The following TRPS1 variants were observed in gnomAD, a reference collection of about 807,000 sequenced individuals.
TRPS1 encodes zinc finger transcription factor Trps1.
In TRPS1, 6 loss-of-function variants were observed where a neutral mutation model predicts 101.2. That is an observed-to-expected ratio of 0.06 (90% confidence interval 0.03 to 0.12). The LOEUF (loss-of-function observed/expected upper bound fraction) is 0.12, where lower values mean the gene tolerates loss of function less well. TRPS1 is among the 10% of genes least tolerant of loss of function. The pLI is 1.00. For missense variants in TRPS1, 1,363 were observed against 1,567.0 expected (o/e 0.87, Z 2.20); for synonymous variants, 578 against 589.8 (o/e 0.98, Z 0.29).
chr8:115,516,646 T>C (rs1173288999), intron 5 of TRPS1, among the ~76,000 whole-genome samples: 2 of 151,608 alleles, frequency 1.3e-5, no homozygotes, highest in South Asian at 2.1e-4. Flanking sequence ...GGATGACACA[T>C]TGGCTTGTCA....
At chr8:115,493,595 C>T (rs552066483) in intron 5 of TRPS1, among the ~76,000 whole-genome samples, 2 of 152,032 alleles carry the variant, frequency 1.3e-5, no homozygotes, top group South Asian at 2.1e-4. Context: ...GTGATCCACC[C>T]GCCTCAGCCT....
chr8:115,607,034 T>C (rs1818053940), intron 3 of TRPS1, among the ~76,000 whole-genome samples: 1 of 152,098 alleles, frequency 6.6e-6, no homozygotes, highest in African/African-American at 2.4e-5. Flanking sequence ...TAAAATGCTT[T>C]GAACTTCTGC....
intron 1 of TRPS1, chr8:115,667,996 T>G (rs979126928): frequency 8.4e-7 from 1 of 1,191,962 alleles, no homozygotes; most frequent in Non-Finnish European, 1.2e-6. Context: ...CTGCGCCCGG[T>G]AGGAGAGAAT....
At position 115,418,227 on chromosome 8, in the gene TRPS1, C is replaced by T. The variant is rs903236503; in HGVS notation, c.2823+103G>A. Reference sequence around the variant, plus strand: ...AAGTGACTGTATTAAAACAACCCTGCGGGGGCAGGCACTGCAAGCCAGGGA... The same window carrying T: ...AAGTGACTGTATTAAAACAACCCTGTGGGGGCAGGCACTGCAAGCCAGGGA... On this transcript the variant is annotated intron_variant, in intron 6 of 6. Transcript: ENST00000395715. The surrounding 1 kb of genome is among the most constrained non-coding windows in gnomAD (Gnocchi z 4.3). 1.3e-5 allele frequency: 20 copies of T among 1,594,378 alleles called. No individual in the cohort carries two copies. The East Asian group carries it at 2.9e-4, about 23-fold the overall frequency.
chr8:115,433,210 C>G (rs1813365352), intron 5 of TRPS1, among the ~76,000 whole-genome samples: 1 of 151,700 alleles, frequency 6.6e-6, no homozygotes, highest in South Asian at 2.1e-4. Context: ...AGAGTGGATG[C>G]CATTATATAC....
At chr8:115,437,737 G>A (rs999450629) in intron 5 of TRPS1, among the ~76,000 whole-genome samples, 2 of 152,126 alleles carry the variant, frequency 1.3e-5, no homozygotes, top group Non-Finnish European at 2.9e-5. Context: ...CCAGTACTAT[G>A]TCTAGCCCTA....
At chr8:115,444,555 T>C (rs1813684766) in intron 5 of TRPS1, among the ~76,000 whole-genome samples, 1 of 152,188 alleles carries the variant, frequency 6.6e-6, no homozygotes, top group African/African-American at 2.4e-5. Flanking sequence ...AAAGTATACC[T>C]TTTTCTACAA....
chr8:115,612,656 T>C (rs1307254628), intron 3 of TRPS1, among the ~76,000 whole-genome samples: 3 of 152,228 alleles, frequency 2.0e-5, no homozygotes, highest in Middle Eastern at 3.2e-3. Context: ...TTCCCAGATA[T>C]GTTCCTGGAC....
intron 5 of TRPS1, among the ~76,000 whole-genome samples, chr8:115,449,048 T>A (rs1022447): frequency 0.29 from 44,690 of 152,096 alleles, 6,663 homozygotes; most frequent in Middle Eastern, 0.46. Flanking sequence ...ATAATATTTG[T>A]TGATTTAAAA....
chr8:115,429,415 G>A (rs979606194), intron 5 of TRPS1, among the ~76,000 whole-genome samples: 1 of 152,090 alleles, frequency 6.6e-6, no homozygotes, highest in Non-Finnish European at 1.5e-5. Flanking sequence ...TTAGCTCAAG[G>A]TAATACATTG....
chr8:115,505,474 GT>G (rs1203012296), intron 5 of TRPS1, among the ~76,000 whole-genome samples: 2 of 152,058 alleles, frequency 1.3e-5, no homozygotes, highest in Admixed American at 1.3e-4. Flanking sequence ...CACTTCACCA[GT>G]TTTTTAAGAT....
At chr8:115,567,942 A>G (rs751948771) in intron 5 of TRPS1, among the ~76,000 whole-genome samples, 16 of 152,248 alleles carry the variant, frequency 1.1e-4, no homozygotes, top group Admixed American at 3.9e-4. Flanking sequence ...TATGGTTTCA[A>G]CACCTCTCAT....
chr8:115,535,496 AGCATATATATAGC>A lies in TRPS1; in HGVS notation c.2700+51492_2700+51504del, dbSNP rs1358256536. Reference sequence around the variant, plus strand: ...TATCACACATATATAGCATATATATAGCATATATATAGCGCATATATATAGCGCATATATAGCG... The same window carrying A: ...TATCACACATATATAGCATATATATAGCATATATATAGCGCATATATAGCG... On this transcript the variant is annotated intron_variant, in intron 5 of 6. Transcript: ENST00000395715. Among the ~76,000 whole-genome samples, 377 of 147,062 alleles carry A rather than the reference AGCATATATATAGC, an allele frequency of 2.6e-3. 1 individual carries two copies. The highest frequency in any genetic ancestry group is 0.01 in the South Asian group (49 of 4,766).
chr8:115,638,190 A>G (rs1818812829), intron 1 of TRPS1, among the ~76,000 whole-genome samples: 1 of 152,166 alleles, frequency 6.6e-6, no homozygotes, highest in Non-Finnish European at 1.5e-5. Context: ...CCTCAGATTT[A>G]GGTGCTAAAG....
intron 5 of TRPS1, among the ~76,000 whole-genome samples, chr8:115,471,009 G>A (rs911855522): frequency 5.3e-5 from 8 of 152,242 alleles, no homozygotes; most frequent in South Asian, 4.1e-4. Flanking sequence ...CAAATATCAC[G>A]TAAAGATGGA....
chr8:115,622,078 C>T (rs564001587), intron 2 of TRPS1, among the ~76,000 whole-genome samples: 34 of 152,108 alleles, frequency 2.2e-4, no homozygotes, highest in African/African-American at 6.0e-4. Context: ...AAAGTGTTGG[C>T]GTTGAGGCAA....
chr8:115,493,568 C>T (rs1166173209), intron 5 of TRPS1, among the ~76,000 whole-genome samples: 1 of 151,732 alleles, frequency 6.6e-6, no homozygotes, highest in Non-Finnish European at 1.5e-5. Flanking sequence ...AGGCTGGTCC[C>T]GAACTCCTGA....
intron 4 of TRPS1, among the ~76,000 whole-genome samples, chr8:115,598,359 G>A (rs986546340): frequency 6.6e-6 from 1 of 152,102 alleles, no homozygotes; most frequent in African/African-American, 2.4e-5. Flanking sequence ...TTGTCGCCCA[G>A]GCCAGTGGCA....
intron 5 of TRPS1, among the ~76,000 whole-genome samples, chr8:115,548,499 C>T (rs761928680): frequency 3.0e-4 from 46 of 151,860 alleles, no homozygotes; most frequent in South Asian, 1.2e-3. Context: ...CCCGCCACCA[C>T]GCCCTGCTGA....
Sources: allele counts gnomAD v4.1 joint callset (sites outside exome capture counted in the v4.1 genomes callset), GRCh38; gene constraint gnomAD v4.1.1; non-coding constraint Gnocchi (gnomAD v3.1); transcripts MANE v1.5; gene names NCBI Gene and HGNC (gene_info 2026-07-23, HGNC 2026-07-21).